TTLL5: variants seen among roughly 807,000 people sequenced by gnomAD.
TTLL5 encodes tubulin polyglutamylase TTLL5.
In TTLL5, 132 loss-of-function variants were observed where a neutral mutation model predicts 168.4. That is an observed-to-expected ratio of 0.78 (90% CI 0.68 to 0.91). The LOEUF (loss-of-function observed/expected upper bound fraction) is 0.91. TTLL5 is among the 40% of genes least tolerant of loss of function. The pLI, the probability that TTLL5 is intolerant of heterozygous loss-of-function variation, is 0.00. For synonymous variants in TTLL5, 546 were observed against 558.6 expected (o/e 0.98, Z 0.32); for missense variants, 1,545 against 1,581.5 (o/e 0.98, Z 0.39).
At chr14:75,754,289 T>C (rs1195637710) in intron 18 of TTLL5, among the ~76,000 whole-genome samples, 1 of 152,250 alleles carries the variant, frequency 6.6e-6, no homozygotes, top group Non-Finnish European at 1.5e-5. Context: ...TTAAAGTTCC[T>C]TTCTGTTTTT....
chr14:75,914,029 A>ATATATATAT (rs1555356357), intron 31 of TTLL5, among the ~76,000 whole-genome samples: 17 of 78,300 alleles, frequency 2.2e-4, no homozygotes, highest in African/African-American at 1.8e-3. Flanking sequence ...AAAAAAAAAA[A>ATATATATAT]AAAAATATAT....
At chr14:75,721,121 GTCT>G (rs1887810268) in intron 12 of TTLL5, among the ~76,000 whole-genome samples, 1 of 152,030 alleles carries the variant, frequency 6.6e-6, no homozygotes, top group Admixed American at 6.6e-5. Flanking sequence ...TTTTGTTTGA[GTCT>G]TCTTTCTAGT....
At chr14:75,831,832 T>C (rs1414123040) in intron 28 of TTLL5, among the ~76,000 whole-genome samples, 1 of 152,212 alleles carries the variant, frequency 6.6e-6, no homozygotes, top group Non-Finnish European at 1.5e-5. Flanking sequence ...AGGGCAAATA[T>C]AAAATTGTGG....
intron 28 of TTLL5, among the ~76,000 whole-genome samples, chr14:75,836,230 T>A (rs773786070): frequency 1.2e-4 from 18 of 152,188 alleles, no homozygotes; most frequent in Non-Finnish European, 2.5e-4. Context: ...TGAGATCCTG[T>A]CATTTGCAAC....
rs1311068185 is a variant in TTLL5, at chr14:75,737,720, C to T, written c.1281+2431C>T. 6.8e-5 allele frequency: 76 copies of T among 1,118,952 alleles called. 1 individual carries two copies. The highest frequency in any genetic ancestry group is 3.6e-4 in the South Asian group (24 of 66,748). The allele number at this position is 1,118,952 out of a possible 1,614,324, so 69.3% of individuals were successfully genotyped here. A position where few individuals can be genotyped will look rare whatever the true frequency, so the allele number is the denominator to read the frequency against. On this transcript the variant is annotated intron_variant, in intron 15 of 31. Transcript: ENST00000298832. ...ATATTTTTATGTACCTATTTTTTTG[C>T]GCAGTTTAATAACAAAGTGAATGAA...
chr14:75,741,987 T>TA (rs945961985), intron 15 of TTLL5, among the ~76,000 whole-genome samples: 63 of 152,266 alleles, frequency 4.1e-4, no homozygotes, highest in Admixed American at 2.5e-3. Flanking sequence ...CCAGGAATAT[T>TA]AAAAAAACCA....
chr14:75,842,356 CT>C (rs1173618881), intron 28 of TTLL5, among the ~76,000 whole-genome samples: 1 of 152,124 alleles, frequency 6.6e-6, no homozygotes, highest in Non-Finnish European at 1.5e-5. Flanking sequence ...AGATATATTA[CT>C]TCAAGGGTGT....
chr14:75,879,957 ATAAT>A (rs2031712725), intron 29 of TTLL5, among the ~76,000 whole-genome samples: 1 of 152,244 alleles, frequency 6.6e-6, no homozygotes, highest in South Asian at 2.1e-4. Flanking sequence ...TGTCTTTTAA[ATAAT>A]TAGTTTATTT....
At chr14:75,679,988 A>G (rs925085393) in intron 3 of TTLL5, among the ~76,000 whole-genome samples, 2 of 152,250 alleles carry the variant, frequency 1.3e-5, no homozygotes, top group Admixed American at 6.5e-5. Context: ...TAAACTTGAA[A>G]GAGAAATTGT....
chr14:75,924,059 C>CTTTTTTTTTTTTTTTTTTTTTTTTTT (rs2033919414), intron 31 of TTLL5, among the ~76,000 whole-genome samples: 1 of 95,326 alleles, frequency 1.0e-5, no homozygotes, highest in Non-Finnish European at 2.1e-5. Flanking sequence ...TTTTTTTTTG[C>CTTTTTTTTTTTTTTTTTTTTTTTTTT]TTTCCATTTG....
intron 31 of TTLL5, among the ~76,000 whole-genome samples, chr14:75,912,673 C>G (rs183360768): frequency 1.1e-4 from 17 of 152,200 alleles, no homozygotes; most frequent in Admixed American, 5.9e-4. Flanking sequence ...AGAAATACTC[C>G]AGGGAAAGTC....
At chr14:75,750,577 GT>G (rs1472684910) in intron 17 of TTLL5, among the ~76,000 whole-genome samples, 2 of 151,752 alleles carry the variant, frequency 1.3e-5, no homozygotes, top group African/African-American at 4.8e-5. Context: ...CAAAATACGT[GT>G]TAATCCACTT....
At chr14:75,946,250 G>A (rs2034767162) in intron 31 of TTLL5, among the ~76,000 whole-genome samples, 1 of 152,216 alleles carries the variant, frequency 6.6e-6, no homozygotes, top group African/African-American at 2.4e-5. Flanking sequence ...CTCAAGGAGA[G>A]CAGATGTTCA....
intron 12 of TTLL5, among the ~76,000 whole-genome samples, chr14:75,727,202 A>T (rs989220700): frequency 7.2e-5 from 11 of 152,200 alleles, no homozygotes; most frequent in African/African-American, 2.7e-4. Context: ...TTCCCAGAAG[A>T]ACCGAAACCA....
intron 28 of TTLL5, among the ~76,000 whole-genome samples, chr14:75,861,890 T>C (rs951011493): frequency 6.6e-6 from 1 of 152,246 alleles, no homozygotes; most frequent in Non-Finnish European, 1.5e-5. Flanking sequence ...CATTTTAAAG[T>C]GTACAATTCA....
At chr14:75,672,958 T>G (rs1276159588) in intron 3 of TTLL5, among the ~76,000 whole-genome samples, 1 of 151,954 alleles carries the variant, frequency 6.6e-6, no homozygotes, top group East Asian at 1.9e-4. Flanking sequence ...TCTTTTTGAG[T>G]GACAAAGTCT....
intron 29 of TTLL5, among the ~76,000 whole-genome samples, chr14:75,868,617 C>G (rs1308476067): frequency 6.6e-6 from 1 of 152,194 alleles, no homozygotes; most frequent in African/African-American, 2.4e-5. Context: ...ATCTTGAGTG[C>G]AGTGTGTAAC....
intron 7 of TTLL5, among the ~76,000 whole-genome samples, chr14:75,703,107 C>T (rs1886400032): frequency 1.3e-5 from 2 of 152,158 alleles, no homozygotes; most frequent in Admixed American, 6.5e-5. Context: ...AAGGCTGCTG[C>T]CTGCTTTCCT....
Position 75,779,573 on chromosome 14 carries a change from A to G in TTLL5, c.2388-2A>G, listed in dbSNP as rs752669828. On this transcript the variant is annotated splice_acceptor_variant, in intron 23 of 31. Transcript: ENST00000298832. LOFTEE classifies it high-confidence loss of function. ...TGACCATACTTTTTCTCCTCATTTCAGTGAGGCTGAACTGGAGGAGGTGTT... is the reference window on the plus strand; with the variant it reads ...TGACCATACTTTTTCTCCTCATTTCGGTGAGGCTGAACTGGAGGAGGTGTT... 6.2e-6 allele frequency: 10 copies of G among 1,612,594 alleles called. No homozygotes were observed. In the South Asian group the frequency reaches 9.9e-5, roughly 16 times the overall value.
Sources: gnomAD v4.1 joint callset for allele counts (sites outside exome capture counted in the v4.1 genomes callset) on GRCh38, gnomAD v4.1.1 for gene constraint, MANE v1.5 for transcripts, NCBI Gene and HGNC (gene_info 2026-07-23, HGNC 2026-07-21) for gene names.